JMJD1C: variants seen among roughly 807,000 people sequenced by gnomAD.
The protein encoded by JMJD1C is jumonji domain-containing protein 1C.
A neutral mutation model predicts 245.3 loss-of-function variants in JMJD1C; 31 were observed. That is an observed-to-expected ratio of 0.13 (90% CI 0.09 to 0.17). The LOEUF is 0.17. Ranked by LOEUF, JMJD1C falls within the 10% of genes least tolerant of loss-of-function variation. The pLI, the probability that JMJD1C is intolerant of heterozygous loss-of-function variation, is 1.00. For synonymous variants in JMJD1C, 1,057 were observed against 1,017.4 expected, an observed-to-expected ratio of 1.04 and a Z score of -0.74; for missense variants, 2,691 against 3,000.2, an observed-to-expected ratio of 0.90 and a Z score of 2.41.
Position 63,392,823 on chromosome 10 carries a change from C to CA in JMJD1C, c.169-12342_169-12341insT, listed in dbSNP as rs1564870476. On this transcript the variant is annotated intron_variant, in intron 1 of 25. Coordinates refer to ENST00000399262, the MANE Select transcript of JMJD1C (RefSeq NM_032776.3). ...CTGGTGACAGAGCGAGACTTCGTCT[C>CA]CAAAAAAAAAAAAAAAAAAAAAAGG... Among the ~76,000 whole-genome samples, 215 of 65,450 alleles carry CA rather than the reference C, an allele frequency of 3.3e-3. 2 individuals are homozygous for CA. Among genetic ancestry groups the CA allele is most frequent in the African/African-American group, 0.013 (205 of 15,514 alleles). 42.9% of individuals were successfully genotyped at this position (65,450 alleles called of 152,430 possible). A position where few individuals can be genotyped will look rare whatever the true frequency, so the allele number is the denominator to read the frequency against.
chr10:63,203,533 G>GT (rs1345483928), intron 10 of JMJD1C: 25 of 971,126 alleles, frequency 2.6e-5, no homozygotes, highest in Non-Finnish European at 3.1e-5. Flanking sequence ...TAAACCACTG[G>GT]TTTTGTATTG....
chr10:63,181,132 T>C (rs568897096), intron 22 of JMJD1C, among the ~76,000 whole-genome samples: 4 of 152,236 alleles, frequency 2.6e-5, no homozygotes, highest in South Asian at 2.1e-4. Context: ...TCCCAAAGTG[T>C]TGGGATTACA....
intron 2 of JMJD1C, among the ~76,000 whole-genome samples, chr10:63,277,133 G>A (rs537243658): frequency 2.6e-5 from 4 of 151,430 alleles, no homozygotes; most frequent in South Asian, 4.2e-4. Flanking sequence ...CGCCCGCCTC[G>A]GCCTCTCAAA....
intron 1 of JMJD1C, among the ~76,000 whole-genome samples, chr10:63,437,387 T>A (rs1211243671): frequency 6.6e-6 from 1 of 152,168 alleles, no homozygotes; most frequent in East Asian, 1.9e-4. Flanking sequence ...CTTACCTCTC[T>A]CTCACTACCT....
intron 2 of JMJD1C, among the ~76,000 whole-genome samples, chr10:63,333,915 G>T (rs1055213748): frequency 6.6e-6 from 1 of 152,094 alleles, no homozygotes; most frequent in African/African-American, 2.4e-5. Flanking sequence ...TCTATAGACA[G>T]TTTTCTAAAT....
At chr10:63,219,024 A>G (rs1264391094) in intron 4 of JMJD1C, among the ~76,000 whole-genome samples, 1 of 152,164 alleles carries the variant, frequency 6.6e-6, no homozygotes, top group Non-Finnish European at 1.5e-5. Context: ...TGGATAGCAC[A>G]GGATCAGCCA....
Position 63,300,594 on chromosome 10 carries a change from CAG to C in JMJD1C, c.334-35832_334-35831del, listed in dbSNP as rs1859965856. On this transcript the variant is annotated intron_variant, in intron 2 of 25. Transcript: ENST00000399262. ...TTTTAGGGTTAAAGTTGAAGGCTAA[CAG>C]AAATTCATTAAGAAGCCTGGCGTGG... Among the ~76,000 whole-genome samples the C allele has an allele frequency of 3.3e-5, 5 of 152,192 alleles. No individual in the cohort carries two copies. In the South Asian group the frequency reaches 1.0e-3, roughly 32 times the overall value.
intron 2 of JMJD1C, among the ~76,000 whole-genome samples, chr10:63,303,790 T>C (rs1834813855): frequency 6.6e-6 from 1 of 152,228 alleles, no homozygotes; most frequent in African/African-American, 2.4e-5. Context: ...ATTTTTTATT[T>C]CTGTCACAGT....
intron 13 of JMJD1C, among the ~76,000 whole-genome samples, 164 bp downstream of exon 13, chr10:63,197,247 G>A (rs200684850): frequency 1.3e-4 from 20 of 151,482 alleles, no homozygotes; most frequent in South Asian, 4.2e-4. Context: ...AAATATAGCC[G>A]TTAATAAACT....
intron 3 of JMJD1C, among the ~76,000 whole-genome samples, chr10:63,235,610 C>T (rs1382331760): frequency 6.6e-6 from 1 of 152,168 alleles, no homozygotes; most frequent in Non-Finnish European, 1.5e-5. Flanking sequence ...TATTTACTTG[C>T]CACTGTAAAT....
chr10:63,226,028 T>A, intron 3 of JMJD1C, among the ~76,000 whole-genome samples: 1 of 125,788 alleles, frequency 7.9e-6, no homozygotes, highest in Admixed American at 9.2e-5. Context: ...ATTAGCACAA[T>A]CAAAAGAAAT....
At chr10:63,372,541 T>C (rs1466240445) in intron 2 of JMJD1C, among the ~76,000 whole-genome samples, 1 of 152,222 alleles carries the variant, frequency 6.6e-6, no homozygotes, top group African/African-American at 2.4e-5. Flanking sequence ...CACAATTGGG[T>C]GATTCTGCTT....
intron 2 of JMJD1C, among the ~76,000 whole-genome samples, chr10:63,297,325 T>C (rs887598956): frequency 2.6e-5 from 4 of 152,250 alleles, no homozygotes; most frequent in Non-Finnish European, 1.5e-5. Flanking sequence ...ACTTCCTCCA[T>C]TCTGAGCCTA....
chr10:63,430,008 G>A (rs948049110), intron 1 of JMJD1C, among the ~76,000 whole-genome samples: 3 of 151,972 alleles, frequency 2.0e-5, no homozygotes, highest in Non-Finnish European at 4.4e-5. Flanking sequence ...TCAATATTAA[G>A]AATAAAAAAA....
intron 2 of JMJD1C, among the ~76,000 whole-genome samples, chr10:63,337,804 G>A (rs1045529831): frequency 2.0e-5 from 3 of 151,980 alleles, no homozygotes; most frequent in Admixed American, 1.3e-4. Context: ...TTTTCTCCCA[G>A]AGGTAAGGTA....
At chr10:63,305,217 AATT>A (rs1417639915) in intron 2 of JMJD1C, among the ~76,000 whole-genome samples, 2 of 150,234 alleles carry the variant, frequency 1.3e-5, no homozygotes, top group African/African-American at 4.9e-5. Flanking sequence ...AAATAAAACA[AATT>A]AGCTGGGTGT....
chr10:63,441,385 T>C (rs767289768), intron 1 of JMJD1C, among the ~76,000 whole-genome samples: 9 of 152,172 alleles, frequency 5.9e-5, no homozygotes, highest in Non-Finnish European at 1.0e-4. Context: ...AGTCTCTTTA[T>C]TCCTCAGTTT....
intron 24 of JMJD1C, among the ~76,000 whole-genome samples, chr10:63,173,649 G>A (rs1216064083): frequency 9.9e-5 from 15 of 152,052 alleles, no homozygotes; most frequent in Non-Finnish European, 2.9e-5. Context: ...TTGAACCCAG[G>A]AGTTTGAGAT....
intron 13 of JMJD1C, chr10:63,194,679 T>C: frequency 4.1e-6 from 1 of 246,446 alleles, no homozygotes; most frequent in Non-Finnish European, 8.0e-6. Context: ...CCTCTATCTT[T>C]GTAGCTAATC....
Sources: allele counts gnomAD v4.1 joint callset (sites outside exome capture counted in the v4.1 genomes callset), GRCh38; gene constraint gnomAD v4.1.1; transcripts MANE v1.5; gene names NCBI Gene and HGNC (gene_info 2026-07-23, HGNC 2026-07-21).